Variants in TBC1D31 observed in about 807,000 individuals in gnomAD.
TBC1D31 encodes WD repeat domain 67.
TBC1D31 carries 99 observed loss-of-function variants against 132.9 expected under a neutral mutation model. That is an observed-to-expected ratio of 0.74 (90% CI 0.63 to 0.88). The LOEUF (loss-of-function observed/expected upper bound fraction) is 0.88. Ranked by LOEUF, TBC1D31 falls within the 40% of genes least tolerant of loss-of-function variation. TBC1D31 has a pLI of 0.00. For synonymous variants in TBC1D31, 385 were observed against 419.4 expected (o/e 0.92, Z 1.00); for missense variants, 1,134 against 1,256.6 (o/e 0.90, Z 1.48).
intron 1 of TBC1D31, chr8:123,075,045 A>G (rs925675187): frequency 3.3e-5 from 5 of 152,346 alleles, no homozygotes; most frequent in Admixed American, 3.3e-4. Flanking sequence ...TAGGATTATA[A>G]TTGAGTATTT....
chr8:123,112,565 T>C (rs1399872324), intron 10 of TBC1D31, among the ~76,000 whole-genome samples: 1 of 152,228 alleles, frequency 6.6e-6, no homozygotes, highest in African/African-American at 2.4e-5. Context: ...TGTACAGAAA[T>C]ATTCATCTTT....
At chr8:123,111,957 G>A (rs1701315990) in intron 10 of TBC1D31, among the ~76,000 whole-genome samples, 1 of 152,040 alleles carries the variant, frequency 6.6e-6, no homozygotes, top group Admixed American at 6.6e-5. Flanking sequence ...GGGCTCAAAC[G>A]ATCCTCCCCC....
chr8:123,101,295 A>C (rs1194766650), intron 7 of TBC1D31, among the ~76,000 whole-genome samples: 2 of 151,992 alleles, frequency 1.3e-5, no homozygotes, highest in African/African-American at 4.8e-5. Context: ...ATTCTCTCTC[A>C]TGTTTTCTTC....
downstream of TBC1D31, among the ~76,000 whole-genome samples, chr8:123,154,374 G>T (rs1822935057): frequency 1.3e-5 from 2 of 152,192 alleles, no homozygotes; most frequent in Non-Finnish European, 2.9e-5. Context: ...TGGAAGGGAG[G>T]CTCCTCCCTC....
rs756400379 is a variant in TBC1D31, at chr8:123,129,172, G to T, written c.2224G>T (p.Glu742Ter). Residue 742 changes from glutamate to a stop codon, truncating the protein, a stop_gained, in exon 15 of 22, where the codon GAA becomes TAA. Coordinates refer to ENST00000287380, the MANE Select transcript of TBC1D31 (RefSeq NM_145647.4). LOFTEE classifies it high-confidence loss of function. ...LLRKAEETRR[E>*]MLLQEEEKMI... ...TCGTAAAGCTGAAGAAACAAGAAGA[G>T]AAATGCTCTTACAAGAGGAGGAGAA... is the stretch of plus-strand genomic sequence containing the variant. 12 of 1,607,064 alleles carry T rather than the reference G, an allele frequency of 7.5e-6. No individual in the cohort carries two copies. In the Admixed American group the frequency reaches 1.5e-4, roughly 20 times the overall value.
intron 2 of TBC1D31, among the ~76,000 whole-genome samples, chr8:123,082,020 T>A (rs538372910): frequency 2.0e-5 from 3 of 152,196 alleles, no homozygotes; most frequent in Non-Finnish European, 4.4e-5. Flanking sequence ...AAATTTAAAT[T>A]ACGTATGTAG....
chr8:123,093,547 AT>A (rs1563685502), intron 4 of TBC1D31, 43 bp from the exon 5 acceptor site: 2 of 1,427,528 alleles, frequency 1.4e-6, no homozygotes, highest in African/African-American at 2.8e-5. Context: ...TAAAGTCTCT[AT>A]GTGAACCTTA....
chr8:123,095,771 CA>C (rs1816778840), intron 5 of TBC1D31, among the ~76,000 whole-genome samples: 1 of 152,188 alleles, frequency 6.6e-6, no homozygotes, highest in African/African-American at 2.4e-5. Flanking sequence ...ACCCTGGAAT[CA>C]GCCATTTCTC....
intron 10 of TBC1D31, among the ~76,000 whole-genome samples, chr8:123,116,873 T>C (rs749537409): frequency 6.6e-6 from 1 of 152,106 alleles, no homozygotes; most frequent in Non-Finnish European, 1.5e-5. Context: ...ACATAAATAA[T>C]TGAATAAATA....
At chr8:123,140,392 G>T (rs1821531359) in intron 17 of TBC1D31, among the ~76,000 whole-genome samples, 1 of 152,084 alleles carries the variant, frequency 6.6e-6, no homozygotes, top group South Asian at 2.1e-4. Context: ...CATAGCTTGG[G>T]AGTGGGGTGG....
At chr8:123,108,298 A>T (rs1210845667) in intron 8 of TBC1D31, among the ~76,000 whole-genome samples, 1 of 152,236 alleles carries the variant, frequency 6.6e-6, no homozygotes, top group Non-Finnish European at 1.5e-5. Context: ...TCCAGTTGAG[A>T]TAATATATGC....
intron 8 of TBC1D31, among the ~76,000 whole-genome samples, chr8:123,108,423 T>C (rs1818144285): frequency 1.3e-5 from 2 of 152,156 alleles, no homozygotes; most frequent in African/African-American, 4.8e-5. Flanking sequence ...TAGGATAAAA[T>C]GATGAACTCC....
intron 20 of TBC1D31, among the ~76,000 whole-genome samples, chr8:123,147,462 G>A (rs562223214): frequency 1.1e-4 from 17 of 152,112 alleles, no homozygotes; most frequent in South Asian, 8.3e-4. Context: ...GTGATCCACC[G>A]CACCCAGCCT....
In TBC1D31 at chr8:123,129,191, A is replaced by G. The variant is rs557772208; in HGVS notation, c.2243A>G (p.Glu748Gly). The change falls in exon 15 of 22, where the codon GAG (glutamate) becomes GGG (glycine). Residue 748 changes from glutamate (E) to glycine (G), a missense_variant. By Grantham distance (98) the Glu-to-Gly change is moderately conservative (BLOSUM62 -2). Transcript: ENST00000287380. The stretch of plus-strand genomic sequence containing the variant: ...AGAAGAGAAATGCTCTTACAAGAGG[A>G]GGAGAAAATGATACAACAAAGACAG... ...ETRREMLLQE[E>G]EKMIQQRQRL... 4.4e-6 allele frequency: 7 copies of G among 1,601,938 alleles called. No individual in the cohort carries two copies. In the African/African-American group the frequency reaches 9.4e-5, roughly 21 times the overall value.
Position 123,142,384 on chromosome 8 carries a change from C to A in TBC1D31, c.2763C>A (p.Ala921=), listed in dbSNP as rs1198207506. 6.2e-7 allele frequency: 1 copy of A among 1,607,724 alleles called. No homozygotes were observed. The highest frequency in any genetic ancestry group is 1.3e-5 in the African/African-American group (1 of 74,600). The change falls in exon 19 of 22, where the codon GCC becomes GCA. Residue 921 remains alanine (A), a synonymous_variant. Transcript: ENST00000287380. ...LQRNKCYQEV[A]KLLRENRRKE... ...GAAACAAATGTTACCAGGAAGTAGCCAAACTCCTTAGGGAAAACAGAAGGA... is the reference window on the plus strand; with the variant it reads ...GAAACAAATGTTACCAGGAAGTAGCAAAACTCCTTAGGGAAAACAGAAGGA...
At chr8:123,077,288 T>G (rs1563663140) in intron 2 of TBC1D31, 31 bp downstream of exon 2, 6 of 1,552,006 alleles carry the variant, frequency 3.9e-6, no homozygotes, top group Non-Finnish European at 5.2e-6. Flanking sequence ...TCTACGTTCT[T>G]TAACAAGTTA....
chr8:123,083,264 C>T (rs918352008), intron 3 of TBC1D31: 1 of 153,754 alleles, frequency 6.5e-6, no homozygotes, highest in African/African-American at 2.4e-5. Context: ...CGCAGGGAGT[C>T]GACCCAAGCT....
At chr8:123,138,199 T>C (rs1025316635) in intron 17 of TBC1D31, among the ~76,000 whole-genome samples, 7 of 152,210 alleles carry the variant, frequency 4.6e-5, no homozygotes, top group African/African-American at 1.7e-4. Context: ...AAAATTCTTT[T>C]TAAAATTCTT....
At position 123,142,257 on chromosome 8, in the gene TBC1D31, C is replaced by T; in HGVS notation, c.2641-5C>T. The T allele has an allele frequency of 6.4e-7, 1 of 1,560,470 alleles. No individual in the cohort carries two copies. Among genetic ancestry groups the T allele is most frequent in the South Asian group, 1.2e-5 (1 of 81,942 alleles). The stretch of plus-strand genomic sequence containing the variant: ...TTGTTTCTGAAATGTATAACTTTTT[C>T]CTAGGTGATTAAAGAAAATTTGGCA... On this transcript the variant is annotated splice_polypyrimidine_tract_variant and splice_region_variant and intron_variant, in intron 18 of 21. Coordinates refer to ENST00000287380, the MANE Select transcript of TBC1D31 (RefSeq NM_145647.4).
Sources: allele counts gnomAD v4.1 joint callset (sites outside exome capture counted in the v4.1 genomes callset), GRCh38; gene constraint gnomAD v4.1.1; transcripts MANE v1.5; gene names NCBI Gene and HGNC (gene_info 2026-07-23, HGNC 2026-07-21).